FRMPD2: variants seen among roughly 807,000 people sequenced by gnomAD.
FRMPD2 encodes the protein FERM and PDZ domain-containing protein 2.
A neutral mutation model predicts 140.1 loss-of-function variants in FRMPD2; 96 were observed. That is an observed-to-expected ratio of 0.69 (90% CI 0.58 to 0.81). The LOEUF (loss-of-function observed/expected upper bound fraction) is 0.81, where lower values mean the gene tolerates loss of function less well. Ranked by LOEUF, FRMPD2 falls within the 40% of genes least tolerant of loss-of-function variation. The pLI is 0.00. For missense variants in FRMPD2, 1,240 were observed against 1,447.4 expected, an observed-to-expected ratio of 0.86 and a Z score of 2.32; for synonymous variants, 449 against 547.6, an observed-to-expected ratio of 0.82 and a Z score of 2.52.
chr10:48,224,323 C>T (rs978652105), intron 10 of FRMPD2, among the ~76,000 whole-genome samples: 3 of 152,208 alleles, frequency 2.0e-5, no homozygotes, highest in African/African-American at 7.2e-5. Flanking sequence ...TCCTCCTTCT[C>T]AGTGCTCCAC....
chr10:48,216,812 G>T (rs1839461539), intron 12 of FRMPD2, among the ~76,000 whole-genome samples: 1 of 152,222 alleles, frequency 6.6e-6, no homozygotes, highest in South Asian at 2.1e-4. Context: ...AGAGGCCACA[G>T]CAAGAATGTC....
At chr10:48,188,335 A>G in intron 16 of FRMPD2, among the ~76,000 whole-genome samples, 1 of 152,198 alleles carries the variant, frequency 6.6e-6, no homozygotes, top group East Asian at 1.9e-4. Flanking sequence ...AAAGGGAAGA[A>G]CAGGGGCGGT....
chr10:48,163,818 C>A (rs1447098006), intron 27 of FRMPD2, 147 bp from the exon 28 acceptor site: 1 of 697,930 alleles, frequency 1.4e-6, no homozygotes, highest in African/African-American at 1.8e-5. Context: ...CATCCCAGCT[C>A]CTCCACATGC....
intron 1 of FRMPD2, among the ~76,000 whole-genome samples, chr10:48,255,032 G>T (rs988794159): frequency 6.6e-6 from 1 of 152,206 alleles, no homozygotes; most frequent in Non-Finnish European, 1.5e-5. Flanking sequence ...ATCCCACTGC[G>T]TAGAGAGATC....
At position 48,201,323 on chromosome 10, in the gene FRMPD2, G is replaced by C; in HGVS notation, c.1859C>G (p.Ser620Ter). ...CAGTAAGTATTTACTGGTCTTGGCT[G>C]AATCTGTGACAAATGTGTGCTTCTT... ...TGKKHTFVTD[S>*]AKTSKYLLDL... Residue 620 changes from serine (S) to a stop codon, truncating the protein, a stop_gained, in exon 15 of 29, where the codon TCA becomes TGA. Transcript: ENST00000374201. LOFTEE classifies it high-confidence loss of function. The C allele has an allele frequency of 6.2e-7, 1 of 1,613,924 alleles. No individual in the cohort carries two copies. Among genetic ancestry groups the C allele is most frequent in the Non-Finnish European group, 8.5e-7 (1 of 1,179,828 alleles).
At chr10:48,232,363 C>T in intron 9 of FRMPD2, 74 bp from the exon 10 acceptor site, 1 of 1,074,876 alleles carries the variant, frequency 9.3e-7, no homozygotes, top group African/African-American at 1.6e-5. Context: ...GGTTACTGTA[C>T]TAAGCACTTT....
intron 3 of FRMPD2, among the ~76,000 whole-genome samples, chr10:48,245,479 A>G (rs1328572973): frequency 6.6e-6 from 1 of 152,242 alleles, no homozygotes; most frequent in African/African-American, 2.4e-5. Flanking sequence ...ATTGTTTGAC[A>G]TCTCTGACCC....
chr10:48,267,431 G>A (rs994729048), intron 1 of FRMPD2, among the ~76,000 whole-genome samples: 6 of 152,156 alleles, frequency 3.9e-5, no homozygotes, highest in South Asian at 2.1e-4. Context: ...GAGAATCCAC[G>A]GATTGAGAAG....
intron 27 of FRMPD2, among the ~76,000 whole-genome samples, chr10:48,167,729 C>T (rs1394994425): frequency 9.2e-5 from 14 of 151,972 alleles, no homozygotes; most frequent in African/African-American, 2.4e-4. Context: ...CACAGATAGG[C>T]GGTCACATAC....
At chr10:48,166,573 TCCA>T (rs1411297006) in intron 27 of FRMPD2, among the ~76,000 whole-genome samples, 2 of 120,162 alleles carry the variant, frequency 1.7e-5, no homozygotes, top group Middle Eastern at 7.9e-3. Flanking sequence ...CACAACTTCC[TCCA>T]CTTCTGCTTC....
chr10:48,195,465 A>C (rs181966118), intron 15 of FRMPD2, among the ~76,000 whole-genome samples: 1 of 152,224 alleles, frequency 6.6e-6, no homozygotes, highest in Non-Finnish European at 1.5e-5. Context: ...ACAGCGAGAA[A>C]TCACTTTTAC....
chr10:48,244,364 T>TTTACCCA (rs1840196144), intron 4 of FRMPD2, among the ~76,000 whole-genome samples: 1 of 152,242 alleles, frequency 6.6e-6, no homozygotes, highest in Non-Finnish European at 1.5e-5. Flanking sequence ...GAGAGGGAGA[T>TTTACCCA]ATTGTAGGGA....
intron 11 of FRMPD2, among the ~76,000 whole-genome samples, chr10:48,222,859 A>G (rs1278475956): frequency 6.6e-6 from 1 of 152,174 alleles, no homozygotes; most frequent in Admixed American, 6.5e-5. Flanking sequence ...TTGGGGTCAC[A>G]GACAGAGAAT....
chr10:48,170,225 G>A (rs1838203296), intron 26 of FRMPD2, among the ~76,000 whole-genome samples: 1 of 148,760 alleles, frequency 6.7e-6, no homozygotes. Context: ...CTCAGCTAGG[G>A]GAACACGGCA....
At chr10:48,219,234 C>CT (rs56740008) in intron 12 of FRMPD2, among the ~76,000 whole-genome samples, 27,122 of 144,066 alleles carry the variant, frequency 0.19, 2,539 homozygotes, top group African/African-American at 0.23. Flanking sequence ...TTCTTTCTTT[C>CT]TTTTTTTTTT....
intron 1 of FRMPD2, among the ~76,000 whole-genome samples, chr10:48,259,584 T>C (rs1403738131): frequency 6.6e-6 from 1 of 152,158 alleles, no homozygotes; most frequent in East Asian, 1.9e-4. Context: ...TCTTAATCTG[T>C]TGGTGATCTC....
intron 16 of FRMPD2, among the ~76,000 whole-genome samples, chr10:48,189,750 C>T (rs1838785455): frequency 6.6e-6 from 1 of 152,214 alleles, no homozygotes; most frequent in Non-Finnish European, 1.5e-5. Context: ...TGCCCAGATC[C>T]TATTCATCAG....
chr10:48,244,769 A>C lies in FRMPD2; in HGVS notation c.375+15T>G, dbSNP rs1391592261. ...GACACAGCCCGGCAAGACTTGGAGT[A>C]TCTTGTTTACAAACCTGATGTGGCG... On this transcript the variant is annotated intron_variant, in intron 4 of 28. Coordinates refer to ENST00000374201, the MANE Select transcript of FRMPD2 (RefSeq NM_001018071.4). The C allele has an allele frequency of 7.5e-6, 12 of 1,603,550 alleles. No homozygotes were observed. In the African/African-American group the frequency reaches 1.5e-4, roughly 20 times the overall value.
intron 8 of FRMPD2, 98 bp downstream of exon 8, chr10:48,237,893 C>T (rs1840006431): frequency 7.0e-7 from 1 of 1,437,350 alleles, no homozygotes; most frequent in African/African-American, 1.4e-5. Context: ...GAAGTTGTCC[C>T]CTAGAAGACC....
Sources: allele counts gnomAD v4.1 joint callset (sites outside exome capture counted in the v4.1 genomes callset), GRCh38; gene constraint gnomAD v4.1.1; transcripts MANE v1.5; gene names NCBI Gene and HGNC (gene_info 2026-07-23, HGNC 2026-07-21).